PTPRT: variants seen among roughly 807,000 people sequenced by gnomAD.
PTPRT encodes the protein receptor-type tyrosine-protein phosphatase T.
A neutral mutation model predicts 176.8 loss-of-function variants in PTPRT; 56 were observed. The observed-to-expected ratio is 0.32, with a 90% CI of 0.26 to 0.40. PTPRT has a LOEUF of 0.40. Among genes scored for constraint, PTPRT ranks in the 10% least tolerant of loss-of-function variants. The probability of loss-of-function intolerance (pLI) is 1.00; values close to 1 mark genes in which losing one functional copy is unlikely to be tolerated. For missense variants in PTPRT, 1,540 were observed against 1,908.2 expected (o/e 0.81, Z 3.60); for synonymous variants, 783 against 739.0 (o/e 1.06, Z -0.96).
At chr20:42,955,597 T>C (rs1488120138) in intron 1 of PTPRT, among the ~76,000 whole-genome samples, 1 of 152,142 alleles carries the variant, frequency 6.6e-6, no homozygotes, top group Non-Finnish European at 1.5e-5. Flanking sequence ...GTACTTACAT[T>C]ATTGTTCCTT....
chr20:42,276,105 T>C (rs1258892778), intron 13 of PTPRT, among the ~76,000 whole-genome samples: 1 of 152,092 alleles, frequency 6.6e-6, no homozygotes, highest in Non-Finnish European at 1.5e-5. Flanking sequence ...CATGCTATGC[T>C]CCTGGGTCCC....
chr20:42,098,677 C>G (rs1985543298), intron 26 of PTPRT, 125 bp from the exon 27 acceptor site: 1 of 1,284,174 alleles, frequency 7.8e-7, no homozygotes, highest in Non-Finnish European at 1.1e-6. Context: ...AAACACCTGC[C>G]TGTTCTTTTA....
chr20:42,151,804 T>C (rs955690110), intron 17 of PTPRT, among the ~76,000 whole-genome samples: 1 of 152,228 alleles, frequency 6.6e-6, no homozygotes, highest in East Asian at 1.9e-4. Context: ...ACATCTATTC[T>C]GGTTTGCCTC....
At chr20:42,714,632 A>AT (rs1253023555) in intron 6 of PTPRT, among the ~76,000 whole-genome samples, 22 of 152,148 alleles carry the variant, frequency 1.4e-4, no homozygotes, top group African/African-American at 3.4e-4. Flanking sequence ...TATATGAGTG[A>AT]TTTTTTCCAG....
At chr20:42,885,531 C>T (rs1024219353) in intron 2 of PTPRT, among the ~76,000 whole-genome samples, 1 of 152,016 alleles carries the variant, frequency 6.6e-6, no homozygotes, top group African/African-American at 2.4e-5. Context: ...TGTCATCAGG[C>T]TCCCAAGCAA....
At chr20:42,717,036 TG>T (rs1004438231) in intron 6 of PTPRT, among the ~76,000 whole-genome samples, 1 of 51,034 alleles carries the variant, frequency 2.0e-5, no homozygotes, top group African/African-American at 7.9e-5. Context: ...GGGCCTGTTG[TG>T]GGGTGGGGGG....
rs1328589785 is a variant in PTPRT at position 42,791,242 on chromosome 20, C to T, written c.439G>A (p.Val147Met). 1 of 1,610,774 alleles carries T rather than the reference C, an allele frequency of 6.2e-7. No homozygotes were observed. The highest frequency in any genetic ancestry group is 8.5e-7 in the Non-Finnish European group (1 of 1,177,394). Residue 147 changes from valine to methionine, a missense_variant, in exon 3 of 31, where the codon GTG (valine) becomes ATG (methionine). Transcript: ENST00000373187. ...GTGCTGATGGCGAGCTCTGCCTTCACCCAGCCCTCAGTGACGACCCCGGAC... is the reference window on the plus strand; with the variant it reads ...GTGCTGATGGCGAGCTCTGCCTTCATCCAGCCCTCAGTGACGACCCCGGAC... The part of the protein sequence containing the change: ...NVSGVVTEGW[V>M]KAELAISTFW...
intron 6 of PTPRT, among the ~76,000 whole-genome samples, chr20:42,696,999 AC>A (rs2075890357): frequency 6.6e-6 from 1 of 152,226 alleles, no homozygotes; most frequent in Non-Finnish European, 1.5e-5. Flanking sequence ...GACAACTAAG[AC>A]ATCAAACATA....
chr20:42,184,464 T>G (rs1308648748), intron 16 of PTPRT, among the ~76,000 whole-genome samples: 2 of 105,342 alleles, frequency 1.9e-5, no homozygotes, highest in Non-Finnish European at 3.8e-5. Flanking sequence ...TTCCCTCCCC[T>G]CCCCACTCCT....
chr20:42,798,073 C>A (rs1336325493), intron 2 of PTPRT, among the ~76,000 whole-genome samples: 1 of 152,206 alleles, frequency 6.6e-6, no homozygotes, highest in Non-Finnish European at 1.5e-5. Flanking sequence ...ACACTTCAAA[C>A]ATCCTACGCA....
intron 2 of PTPRT, among the ~76,000 whole-genome samples, chr20:42,860,535 T>G (rs1337613646): frequency 1.3e-5 from 2 of 152,198 alleles, no homozygotes; most frequent in Non-Finnish European, 2.9e-5. Context: ...ATACCTCCGT[T>G]TACTTATTTG....
At chr20:42,619,589 A>G (rs1183861664) in intron 7 of PTPRT, among the ~76,000 whole-genome samples, 3 of 133,352 alleles carry the variant, frequency 2.2e-5, no homozygotes, top group Non-Finnish European at 4.7e-5. Context: ...AATCAGACGT[A>G]GATTTGGTCT....
At chr20:42,560,146 C>T (rs753023448) in intron 7 of PTPRT, among the ~76,000 whole-genome samples, 48 of 152,170 alleles carry the variant, frequency 3.2e-4, no homozygotes, top group African/African-American at 1.0e-3. Flanking sequence ...GAGTCTGGTT[C>T]GCTCAACCTC....
At chr20:43,151,067 G>C (rs575288139) in intron 1 of PTPRT, among the ~76,000 whole-genome samples, 54 of 151,892 alleles carry the variant, frequency 3.6e-4, no homozygotes, top group African/African-American at 1.2e-3. Flanking sequence ...AGCACTTTGG[G>C]AGGCCTAGGA....
At chr20:42,312,492 T>C (rs1282629026) in intron 12 of PTPRT, among the ~76,000 whole-genome samples, 2 of 152,174 alleles carry the variant, frequency 1.3e-5, no homozygotes, top group African/African-American at 2.4e-5. Context: ...TAAAATTTAA[T>C]ACTAAAGACA....
rs1365505919 is a variant in PTPRT, at chr20:42,340,330, T to A, written c.1865+10298A>T. On this transcript the variant is annotated intron_variant, in intron 11 of 30. Coordinates refer to ENST00000373187, the MANE Select transcript of PTPRT (RefSeq NM_007050.6). ...CTCTGGGCATGAATACTTATATGTT[T>A]ATAAAATTCTTCGTAAGCCTATACC... 2.0e-5 allele frequency among the ~76,000 whole-genome samples: 3 copies of A among 152,324 alleles called. No individual in the cohort carries two copies. The East Asian group carries it at 5.8e-4, about 29-fold the overall frequency.
At chr20:42,314,901 T>C (rs2057693401) in intron 12 of PTPRT, among the ~76,000 whole-genome samples, 2 of 149,796 alleles carry the variant, frequency 1.3e-5, no homozygotes, top group South Asian at 4.2e-4. Flanking sequence ...GAGTTCTCTG[T>C]CATTGGAGGT....
At chr20:42,326,546 G>A (rs1277669447) in intron 11 of PTPRT, among the ~76,000 whole-genome samples, 5 of 152,154 alleles carry the variant, frequency 3.3e-5, no homozygotes, top group Admixed American at 3.3e-4. Context: ...GCTAGAAGAT[G>A]TAATGAAAAA....
At chr20:42,248,510 T>C (rs922403305) in intron 14 of PTPRT, among the ~76,000 whole-genome samples, 177 bp downstream of exon 14, 2 of 152,126 alleles carry the variant, frequency 1.3e-5, no homozygotes, top group African/African-American at 4.8e-5. Flanking sequence ...ACAGGCAGCA[T>C]GCACCCTTCA....
Sources: gnomAD v4.1 joint callset for allele counts (sites outside exome capture counted in the v4.1 genomes callset) on GRCh38, gnomAD v4.1.1 for gene constraint, MANE v1.5 for transcripts, NCBI Gene and HGNC (gene_info 2026-07-23, HGNC 2026-07-21) for gene names.